MKLN1: variants seen among roughly 807,000 people sequenced by gnomAD.
MKLN1 encodes the protein muskelin 1.
Under a neutral mutation model 99.0 loss-of-function variants are expected in MKLN1, and 18 were observed. That is an observed-to-expected ratio of 0.18 (90% CI 0.13 to 0.27). MKLN1 has a LOEUF of 0.27. MKLN1 is among the 10% of genes least tolerant of loss of function. The pLI is 1.00. For missense variants in MKLN1, 621 were observed against 875.9 expected, an observed-to-expected ratio of 0.71 and a Z score of 3.67; for synonymous variants, 288 against 293.2, an observed-to-expected ratio of 0.98 and a Z score of 0.18.
chr7:131,390,472 GC>G (rs1463570947), intron 4 of MKLN1, among the ~76,000 whole-genome samples: 14 of 151,988 alleles, frequency 9.2e-5, no homozygotes, highest in African/African-American at 3.4e-4. Context: ...AGCCCTGTCA[GC>G]CTTTTTTCCC....
chr7:131,124,532 A>G (rs1795424443), intron 1 of MKLN1, among the ~76,000 whole-genome samples: 1 of 152,130 alleles, frequency 6.6e-6, no homozygotes, highest in South Asian at 2.1e-4. Flanking sequence ...AGACTGGAGA[A>G]AGTCACCATT....
intron 2 of MKLN1, among the ~76,000 whole-genome samples, chr7:131,191,879 ATT>A (rs113730048): frequency 5.1e-5 from 7 of 136,812 alleles, no homozygotes; most frequent in Non-Finnish European, 6.3e-5. Context: ...ATGCCTGACT[ATT>A]TTTTTTTTTT....
At chr7:131,133,990 C>T (rs867809788) in intron 1 of MKLN1, among the ~76,000 whole-genome samples, 12 of 151,652 alleles carry the variant, frequency 7.9e-5, no homozygotes, top group East Asian at 3.9e-4. Flanking sequence ...CCACCAAGCC[C>T]GGCTAAGTTT....
At chr7:131,443,204 C>T (rs565250912) in intron 10 of MKLN1, among the ~76,000 whole-genome samples, 4 of 152,234 alleles carry the variant, frequency 2.6e-5, no homozygotes, top group African/African-American at 9.6e-5. Flanking sequence ...TATAAATCAA[C>T]GCCTCATGTA....
intron 3 of MKLN1, among the ~76,000 whole-genome samples, chr7:131,322,645 A>G (rs1297350438): frequency 1.4e-5 from 2 of 139,172 alleles, no homozygotes; most frequent in Non-Finnish European, 3.0e-5. Flanking sequence ...ATCTCGGCTC[A>G]CTGCAAGCTC....
intron 2 of MKLN1, among the ~76,000 whole-genome samples, chr7:131,182,207 T>C (rs78986639): frequency 0.016 from 2,475 of 152,230 alleles, 75 homozygotes; most frequent in African/African-American, 0.057. Context: ...ATTCAATATG[T>C]TGACAAAATG....
At chr7:131,190,232 T>C in intron 2 of MKLN1, among the ~76,000 whole-genome samples, 1 of 152,162 alleles carries the variant, frequency 6.6e-6, no homozygotes, top group East Asian at 1.9e-4. Flanking sequence ...TCCAGGTGGA[T>C]GGAGCAGGGG....
chr7:131,242,864 G>T, intron 3 of MKLN1: 1 of 664,196 alleles, frequency 1.5e-6, no homozygotes, highest in South Asian at 1.4e-5. Flanking sequence ...ATATCCCCTT[G>T]GACAAAACTG....
rs200269467 is a variant in MKLN1, at chr7:131,476,029, T to C, written c.2032-2594T>C. On this transcript the variant is annotated intron_variant, in intron 16 of 17. Transcript: ENST00000352689. ...AAAAAAAATTCAGTGTAATTCACCA[T>C]GTTAACAGAATGAAGGAGGAAAACC... Among the ~76,000 whole-genome samples, 526 of 152,262 alleles carry C rather than the reference T, an allele frequency of 3.5e-3. 11 individuals are homozygous for C. Among genetic ancestry groups the C allele is most frequent in the Admixed American group, 0.029 (439 of 15,294 alleles).
chr7:131,425,264 A>G (rs1004416870), intron 8 of MKLN1, among the ~76,000 whole-genome samples: 1 of 151,204 alleles, frequency 6.6e-6, no homozygotes, highest in Non-Finnish European at 1.5e-5. Context: ...TACTTTTGCT[A>G]TTCTTTTTAC....
chr7:131,200,735 T>C (rs1409676745), intron 2 of MKLN1, among the ~76,000 whole-genome samples: 1 of 152,230 alleles, frequency 6.6e-6, no homozygotes, highest in Non-Finnish European at 1.5e-5. Context: ...CCATTTTTCC[T>C]GAAAAACTAA....
intron 9 of MKLN1, among the ~76,000 whole-genome samples, chr7:131,431,148 G>A (rs1273351409): frequency 6.6e-6 from 1 of 152,004 alleles, no homozygotes; most frequent in Non-Finnish European, 1.5e-5. Flanking sequence ...CTTGAACCCA[G>A]GAGGCGGAGG....
rs1160163753 is a variant in MKLN1 at position 131,161,959 on chromosome 7, GTGTGTATATATA to G, written c.-297+19020_-297+19031del. ...TATACACATATATATACGTGTGTGT[GTGTGTATATATA>G]TATATATATATATATATATATATAT... is the stretch of plus-strand genomic sequence containing the variant. On this transcript the variant is annotated intron_variant, in intron 2 of 7. Transcript: ENST00000416992. Among the ~76,000 whole-genome samples the G allele has an allele frequency of 0.012, 797 of 67,818 alleles. 33 individuals are homozygous for G. In the East Asian group the frequency reaches 0.14, roughly 12 times the overall value. 44.5% of individuals were successfully genotyped at this position (67,818 alleles called of 152,430 possible).
intron 11 of MKLN1, 147 bp downstream of exon 11, chr7:131,443,849 T>A: frequency 1.5e-6 from 1 of 662,148 alleles, no homozygotes; most frequent in Non-Finnish European, 2.6e-6. Flanking sequence ...AACTGTTTGC[T>A]AATTATGAGA....
chr7:131,118,495 G>C (rs1448073851), intron 1 of MKLN1, among the ~76,000 whole-genome samples: 1 of 151,466 alleles, frequency 6.6e-6, no homozygotes, highest in Non-Finnish European at 1.5e-5. Flanking sequence ...GGAGGTTGCA[G>C]TGAGCCAAGA....
chr7:131,429,989 G>A (rs1795476682), intron 9 of MKLN1, among the ~76,000 whole-genome samples: 1 of 152,104 alleles, frequency 6.6e-6, no homozygotes. Flanking sequence ...TAGGTTTATG[G>A]CTTTGAATTA....
At chr7:131,114,869 G>A (rs1168308094) in intron 1 of MKLN1, among the ~76,000 whole-genome samples, 2 of 151,924 alleles carry the variant, frequency 1.3e-5, no homozygotes, top group African/African-American at 4.8e-5. Context: ...CCAGGAGGCA[G>A]AGGTTGTGAT....
intron 3 of MKLN1, among the ~76,000 whole-genome samples, chr7:131,229,774 G>A (rs1171881376): frequency 2.0e-5 from 3 of 151,912 alleles, no homozygotes; most frequent in Admixed American, 6.6e-5. Flanking sequence ...GGCTGGTGTC[G>A]AACTCCTGGG....
intron 8 of MKLN1, among the ~76,000 whole-genome samples, chr7:131,423,213 G>A (rs1026331183): frequency 6.6e-6 from 1 of 152,158 alleles, no homozygotes; most frequent in African/African-American, 2.4e-5. Flanking sequence ...CTAATATTTG[G>A]TATCTACAAA....
Sources: gnomAD v4.1 joint callset for allele counts (sites outside exome capture counted in the v4.1 genomes callset) on GRCh38, gnomAD v4.1.1 for gene constraint, MANE v1.5 for transcripts, NCBI Gene and HGNC (gene_info 2026-07-23, HGNC 2026-07-21) for gene names.